The following ATIC variants were observed in gnomAD, a reference collection of about 807,000 sequenced individuals.
ATIC encodes the protein 5-aminoimidazole-4-carboxamide ribonucleotide formyltransferase/IMP cyclohydrolase.
ATIC carries 64 observed loss-of-function variants against 72.5 expected under a neutral mutation model. The ratio of observed to expected loss-of-function variants is 0.88; its 90% CI spans 0.72 to 1.09. The LOEUF (loss-of-function observed/expected upper bound fraction) is 1.09, where lower values mean the gene tolerates loss of function less well. Ranked by LOEUF, ATIC falls within the 50% of genes least tolerant of loss-of-function variation. The pLI, the probability that ATIC is intolerant of heterozygous loss-of-function variation, is 0.00. For synonymous variants in ATIC, 281 were observed against 267.1 expected, an observed-to-expected ratio of 1.05 and a Z score of -0.51; for missense variants, 787 against 732.4, an observed-to-expected ratio of 1.07 and a Z score of -0.86.
chr2:215,358,908 A>T, the ATIC span, among the ~76,000 whole-genome samples: 2 of 152,218 alleles, frequency 1.3e-5, no homozygotes, highest in Non-Finnish European at 1.5e-5. Flanking sequence ...TTTGAGACGA[A>T]GTCTCACTCT....
intron 7 of ATIC, 123 bp from the exon 8 acceptor site, chr2:215,332,259 A>T: frequency 1.5e-6 from 2 of 1,347,688 alleles, no homozygotes; most frequent in South Asian, 1.2e-5. Flanking sequence ...GTTTGTGTGT[A>T]TCTGTTTGGC....
At chr2:215,331,143 A>G (rs868185155) in intron 7 of ATIC, among the ~76,000 whole-genome samples, 3 of 151,962 alleles carry the variant, frequency 2.0e-5, no homozygotes, top group South Asian at 4.2e-4. Context: ...AATACCTAAT[A>G]TTTTCTTTTA....
At chr2:215,335,741 C>T (rs1210102683) in intron 10 of ATIC, among the ~76,000 whole-genome samples, 1 of 152,178 alleles carries the variant, frequency 6.6e-6, no homozygotes, top group Non-Finnish European at 1.5e-5. Flanking sequence ...TCAAAACACT[C>T]CCTGAAGAAA....
intron 12 of ATIC, among the ~76,000 whole-genome samples, chr2:215,340,690 G>C (rs891559270): frequency 3.3e-5 from 5 of 152,118 alleles, no homozygotes; most frequent in African/African-American, 1.2e-4. Context: ...TTCAGTCTTT[G>C]TGAGGACTGG....
the ATIC span, among the ~76,000 whole-genome samples, chr2:215,357,350 C>A: frequency 6.6e-6 from 1 of 152,204 alleles, no homozygotes; most frequent in African/African-American, 2.4e-5. Flanking sequence ...CAGCCCCAGT[C>A]CATCATTCTG....
chr2:215,349,874 G>C, downstream of ATIC: 1 of 772,602 alleles, frequency 1.3e-6, no homozygotes, highest in Non-Finnish European at 2.0e-6. Flanking sequence ...GCCTACCGGA[G>C]CTCAGCCCAT....
chr2:215,318,296 A>G (rs145427771), intron 3 of ATIC, 63 bp downstream of exon 3: 2 of 1,444,832 alleles, frequency 1.4e-6, no homozygotes, highest in East Asian at 4.5e-5. Context: ...TTTAGTTGAT[A>G]GCGTCCTAAA....
chr2:215,346,088 A>AT (rs567961184), intron 13 of ATIC, among the ~76,000 whole-genome samples: 31 of 152,178 alleles, frequency 2.0e-4, no homozygotes, highest in Admixed American at 5.2e-4. Context: ...TTTAACTGTA[A>AT]TTTATACACT....
rs1267579375 is a variant in ATIC at position 215,334,978 on chromosome 2, C to T, written c.982C>T (p.Pro328Ser). ...TGCATTGTCCGATGTTTGTGATGTACCAACTGCAAAAATTATTTCCAGAGA... is the reference window on the plus strand; with the variant it reads ...TGCATTGTCCGATGTTTGTGATGTATCAACTGCAAAAATTATTTCCAGAGA... ...FVALSDVCDV[P>S]TAKIISREVS... The change falls in exon 10 of 16, where the codon CCA (proline) becomes TCA (serine). Residue 328 changes from proline (P) to serine (S), a missense_variant. Pro to Ser is a moderately conservative substitution (Grantham distance 74). Transcript: ENST00000236959. 1.2e-6 allele frequency: 2 copies of T among 1,613,240 alleles called. No individual in the cohort carries two copies. The highest frequency in any genetic ancestry group is 1.7e-6 in the Non-Finnish European group (2 of 1,179,580).
intron 9 of ATIC, among the ~76,000 whole-genome samples, chr2:215,334,128 C>G (rs1442418955): frequency 6.7e-6 from 1 of 149,570 alleles, no homozygotes; most frequent in Admixed American, 6.7e-5. Context: ...CTAATTTAGG[C>G]TATTGAATGC....
At chr2:215,338,620 T>G (rs2052982489) in intron 11 of ATIC, 159 bp from the exon 12 acceptor site, 2 of 668,394 alleles carry the variant, frequency 3.0e-6, no homozygotes, top group South Asian at 4.0e-5. Flanking sequence ...ATTTAACACA[T>G]CATTTGTTGT....
Position 215,312,170 on chromosome 2 carries a change from C to T in ATIC, c.19+9C>T, listed in dbSNP as rs1265745473. 1.3e-6 allele frequency: 2 copies of T among 1,507,492 alleles called. No individual in the cohort carries two copies. Among genetic ancestry groups the T allele is most frequent in the Non-Finnish European group, 1.8e-6 (2 of 1,135,834 alleles). 93.4% of individuals were successfully genotyped at this position (1,507,492 alleles called of 1,614,324 possible). ...GGCTCCCGGCCAGCTCGGTGAGGCC[C>T]TAGCGGAGCGGCGCGGTCTGCGTCC... is the stretch of plus-strand genomic sequence containing the variant. On this transcript the variant is annotated intron_variant, in intron 1 of 15. Coordinates refer to ENST00000236959, the MANE Select transcript of ATIC (RefSeq NM_004044.7).
the ATIC span, among the ~76,000 whole-genome samples, chr2:215,356,188 C>T: frequency 5.1e-3 from 782 of 152,230 alleles, 6 homozygotes; most frequent in African/African-American, 0.018. Flanking sequence ...ACCTGAGTCA[C>T]GATAAATACT....
At chr2:215,333,577 G>T in intron 9 of ATIC, 120 bp downstream of exon 9, 1 of 657,846 alleles carries the variant, frequency 1.5e-6, no homozygotes. Context: ...ATATATAGAT[G>T]AAATTAAGGA....
chr2:215,332,437 G>A lies in ATIC; in HGVS notation c.744G>A (p.Gln248=), dbSNP rs1272441091. The A allele has an allele frequency of 1.2e-6, 2 of 1,614,120 alleles. No individual in the cohort carries two copies. Among genetic ancestry groups the A allele is most frequent in the South Asian group, 2.2e-5 (2 of 91,088 alleles). ...TGTGCGATGCTTTGAACGCCTGGCA[G>A]CTGGTGAAGGAACTCAAGGAGGCTT... is the stretch of plus-strand genomic sequence containing the variant. ...INLCDALNAW[Q]LVKELKEALG... Residue 248 remains glutamine, a synonymous_variant, in exon 8 of 16, where the codon CAG becomes CAA. Transcript: ENST00000236959.
chr2:215,312,392 T>A, intron 1 of ATIC, 106 bp from the exon 2 acceptor site: 1 of 1,585,258 alleles, frequency 6.3e-7, no homozygotes, highest in Non-Finnish European at 8.7e-7. Flanking sequence ...AGGGTCCAGG[T>A]GCTGGCCTTG....
At chr2:215,329,408 C>T (rs1197726340) in intron 7 of ATIC, among the ~76,000 whole-genome samples, 1 of 152,168 alleles carries the variant, frequency 6.6e-6, no homozygotes, top group African/African-American at 2.4e-5. Context: ...GCCCTGGACA[C>T]GTAAATAAGC....
intron 14 of ATIC, chr2:215,348,670 T>C (rs1047657171): frequency 2.3e-6 from 1 of 427,996 alleles, no homozygotes; most frequent in Middle Eastern, 4.3e-4. Context: ...TATTTACAAT[T>C]AAGAAATCCT....
In ATIC at chr2:215,344,690, A is replaced by T. The variant is rs970483368; in HGVS notation, c.1228-89A>T. 2.3e-6 allele frequency: 3 copies of T among 1,320,218 alleles called. No homozygotes were observed. The South Asian group carries it at 3.8e-5, about 17-fold the overall frequency. The allele number at this position is 1,320,218 out of a possible 1,614,324, so 81.8% of individuals were successfully genotyped here. A position where few individuals can be genotyped will look rare whatever the true frequency, so the allele number is the denominator to read the frequency against. ...CAGAGTGAGACTCTGACTCAAAAAAACCACAAAAAATAATATTTAAAAAAA... is the reference window on the plus strand; with the variant it reads ...CAGAGTGAGACTCTGACTCAAAAAATCCACAAAAAATAATATTTAAAAAAA... On this transcript the variant is annotated intron_variant, in intron 12 of 15. Transcript: ENST00000236959.
Sources: gnomAD v4.1 joint callset for allele counts (sites outside exome capture counted in the v4.1 genomes callset) on GRCh38, gnomAD v4.1.1 for gene constraint, MANE v1.5 for transcripts, NCBI Gene and HGNC (gene_info 2026-07-23, HGNC 2026-07-21) for gene names.